SCGB2B2: variants seen among roughly 807,000 people sequenced by gnomAD.
The protein encoded by SCGB2B2 is secretoglobin family 2B member 2, also known as secretoglobin-like protein.
In SCGB2B2, 11 loss-of-function variants were observed where a neutral mutation model predicts 7.6. The observed-to-expected ratio is 1.45, with a 90% CI of 0.91 to 2.40. The LOEUF is 2.40. SCGB2B2 is among the 30% of genes most tolerant of loss of function. The pLI is 0.00. For missense variants in SCGB2B2, 104 were observed against 115.4 expected (o/e 0.90, Z 0.45); for synonymous variants, 50 against 48.6 (o/e 1.03, Z -0.12).
intron 1 of SCGB2B2, among the ~76,000 whole-genome samples, chr19:34,628,803 A>G (rs2066448624): frequency 6.6e-6 from 1 of 151,982 alleles, no homozygotes; most frequent in African/African-American, 2.4e-5. Context: ...AGGCTGGCAG[A>G]GACACAACAA....
chr19:34,668,982 G>C (rs2067724000), intron 1 of SCGB2B2, among the ~76,000 whole-genome samples: 1 of 152,066 alleles, frequency 6.6e-6, no homozygotes, highest in Non-Finnish European at 1.5e-5. Flanking sequence ...CACTGTGGAA[G>C]CTTTGTTCTT....
At chr19:34,610,780 T>TTTC (rs1010321535) in intron 1 of SCGB2B2, among the ~76,000 whole-genome samples, 1 of 151,696 alleles carries the variant, frequency 6.6e-6, no homozygotes, top group Non-Finnish European at 1.5e-5. Context: ...TTTTTTTTTT[T>TTTC]TTCTGTATGC....
chr19:34,615,934 T>C (rs1452514336), intron 1 of SCGB2B2, among the ~76,000 whole-genome samples: 10 of 150,736 alleles, frequency 6.6e-5, no homozygotes, highest in Non-Finnish European at 1.3e-4. Flanking sequence ...TGAGAATACG[T>C]GGTGTTTGGT....
Position 34,605,916 on chromosome 19 carries a change from C to G in SCGB2B2, c.-2031-9322G>C, listed in dbSNP as rs570408619. On this transcript the variant is annotated intron_variant, in intron 1 of 3. Transcript: ENST00000601241. ...GCTAATCTTAAAATTTTAAAGGTAT[C>G]AATGTATCTTTATTAATATTCATTT... Among the ~76,000 whole-genome samples the G allele has an allele frequency of 5.3e-5, 8 of 152,142 alleles. No homozygotes were observed. The East Asian group carries it at 1.5e-3, about 29-fold the overall frequency.
chr19:34,654,394 C>G (rs2067233458), intron 1 of SCGB2B2, among the ~76,000 whole-genome samples: 1 of 150,868 alleles, frequency 6.6e-6, no homozygotes, highest in Non-Finnish European at 1.5e-5. Context: ...TTAATTTGGC[C>G]AAAGTACAAA....
intron 1 of SCGB2B2, among the ~76,000 whole-genome samples, chr19:34,633,891 T>C (rs1177681034): frequency 6.6e-6 from 1 of 152,182 alleles, no homozygotes; most frequent in Non-Finnish European, 1.5e-5. Flanking sequence ...TCTCATTCTT[T>C]GGAAGGGACA....
chr19:34,617,826 C>CATAG (rs1437785826), intron 1 of SCGB2B2, among the ~76,000 whole-genome samples: 1 of 152,154 alleles, frequency 6.6e-6, no homozygotes, highest in East Asian at 1.9e-4. Flanking sequence ...GTGGGTTTGT[C>CATAG]ATAGATAGCT....
chr19:34,632,961 C>T lies in SCGB2B2; in HGVS notation c.-2031-36367G>A, dbSNP rs187247105. 2.7e-3 allele frequency: 414 copies of T among 152,530 alleles called. 2 individuals carry two copies. The highest frequency in any genetic ancestry group is 5.3e-3 in the Non-Finnish European group (363 of 68,148). 9.4% of individuals were successfully genotyped at this position (152,530 alleles called of 1,614,324 possible). ...CTCCTGCACTAAAGCACCCCAGGAC[C>T]AAGTACCAGGTAACCAGAGACCAAC... On this transcript the variant is annotated intron_variant, in intron 1 of 3. Coordinates refer to ENST00000601241, the MANE Select transcript of SCGB2B2 (RefSeq NM_001025591.4).
At chr19:34,658,813 C>CAA (rs138363297) in intron 1 of SCGB2B2, among the ~76,000 whole-genome samples, 87 of 101,948 alleles carry the variant, frequency 8.5e-4, no homozygotes, top group African/African-American at 2.7e-3. Context: ...ACAACAACAA[C>CAA]AAAAAAAAAA....
intron 1 of SCGB2B2, among the ~76,000 whole-genome samples, chr19:34,615,135 A>G (rs891555455): frequency 6.6e-6 from 1 of 152,198 alleles, no homozygotes; most frequent in East Asian, 1.9e-4. Flanking sequence ...CCAGAACAAG[A>G]TGCACTCCAG....
At chr19:34,597,436 C>T (rs890913802) in intron 1 of SCGB2B2, among the ~76,000 whole-genome samples, 1 of 124,120 alleles carries the variant, frequency 8.1e-6, no homozygotes, top group African/African-American at 2.9e-5. Context: ...GAGACATCAT[C>T]TACCTCCCTA....
Position 34,668,793 on chromosome 19 carries a change from C to G in SCGB2B2, c.-2032+6837G>C, listed in dbSNP as rs969012575. On this transcript the variant is annotated intron_variant, in intron 1 of 3. Coordinates refer to ENST00000601241, the MANE Select transcript of SCGB2B2 (RefSeq NM_001025591.4). ...CTGTATCTAGCTAATCTAGTGGGGACGTGGAGAACCTTTGTGTCTAGCTCA... is the reference window on the plus strand; with the variant it reads ...CTGTATCTAGCTAATCTAGTGGGGAGGTGGAGAACCTTTGTGTCTAGCTCA... 2.6e-5 allele frequency among the ~76,000 whole-genome samples: 4 copies of G among 152,102 alleles called. No individual in the cohort carries two copies. In the East Asian group the frequency reaches 7.7e-4, roughly 29 times the overall value.
chr19:34,628,289 A>T (rs2066432719), intron 1 of SCGB2B2, among the ~76,000 whole-genome samples: 1 of 152,214 alleles, frequency 6.6e-6, no homozygotes, highest in Non-Finnish European at 1.5e-5. Flanking sequence ...ACTGAAGAAG[A>T]TAGAGACAAA....
At chr19:34,651,766 T>C (rs534233861) in intron 1 of SCGB2B2, among the ~76,000 whole-genome samples, 171 of 151,232 alleles carry the variant, frequency 1.1e-3, no homozygotes, top group Non-Finnish European at 2.1e-3. Context: ...TTCACAGAAA[T>C]AGAAAAAATA....
At chr19:34,618,839 T>C (rs921665677) in intron 1 of SCGB2B2, among the ~76,000 whole-genome samples, 6 of 152,334 alleles carry the variant, frequency 3.9e-5, no homozygotes, top group Middle Eastern at 3.4e-3. Flanking sequence ...AGGATGAGGA[T>C]AGAGCTGCAG....
intron 1 of SCGB2B2, among the ~76,000 whole-genome samples, chr19:34,625,505 C>T (rs565482201): frequency 4.0e-4 from 61 of 152,328 alleles, no homozygotes; most frequent in Non-Finnish European, 6.3e-4. Flanking sequence ...CCTACAACCA[C>T]GGAGCCTCGC....
intron 1 of SCGB2B2, among the ~76,000 whole-genome samples, chr19:34,604,674 T>C (rs2065729237): frequency 6.6e-6 from 1 of 152,244 alleles, no homozygotes; most frequent in Non-Finnish European, 1.5e-5. Flanking sequence ...GATCAAATTA[T>C]ATCCTCTATT....
At position 34,595,453 on chromosome 19, in the gene SCGB2B2, A is replaced by G. The variant is rs1490765531; in HGVS notation, c.-890T>C. Reference sequence around the variant, plus strand: ...TGAGTCTCCTTTGTGCTCAAACAGCATAACTTTAACTTGTTGGAGAGTAGC... The same window carrying G: ...TGAGTCTCCTTTGTGCTCAAACAGCGTAACTTTAACTTGTTGGAGAGTAGC... On this transcript the variant is annotated 5_prime_UTR_variant, in exon 2 of 4. The change abolishes an upstream ATG in the 5' untranslated region. Coordinates refer to ENST00000601241, the MANE Select transcript of SCGB2B2 (RefSeq NM_001025591.4). 6.5e-6 allele frequency: 1 copy of G among 152,732 alleles called. No homozygotes were observed. Among genetic ancestry groups the G allele is most frequent in the Non-Finnish European group, 1.5e-5 (1 of 68,064 alleles). The allele number at this position is 152,732 out of a possible 1,614,324, so 9.5% of individuals were successfully genotyped here.
chr19:34,635,229 C>A (rs759231869), intron 1 of SCGB2B2: 2 of 284,176 alleles, frequency 7.0e-6, no homozygotes, highest in Non-Finnish European at 1.4e-5. Context: ...TGCTGGAATT[C>A]TGGCTAAATA....
Sources: gnomAD v4.1 joint callset for allele counts (sites outside exome capture counted in the v4.1 genomes callset) on GRCh38, gnomAD v4.1.1 for gene constraint, MANE v1.5 for transcripts, NCBI Gene and HGNC (gene_info 2026-07-23, HGNC 2026-07-21) for gene names.